Variants in UTP20 observed in about 807,000 individuals in gnomAD.
UTP20 encodes UTP20 small subunit processome component.
A neutral mutation model predicts 329.5 loss-of-function variants in UTP20; 164 were observed. The observed-to-expected ratio is 0.50, with a 90% CI of 0.44 to 0.57. The LOEUF is 0.57. Among genes scored for constraint, UTP20 ranks in the 20% least tolerant of loss-of-function variants. The pLI, the probability that UTP20 is intolerant of heterozygous loss-of-function variation, is 0.00. For missense variants in UTP20, 3,055 were observed against 3,284.2 expected, an observed-to-expected ratio of 0.93 and a Z score of 1.71; for synonymous variants, 1,151 against 1,159.3, an observed-to-expected ratio of 0.99 and a Z score of 0.14.
chr12:101,323,574 T>G (rs551607998), intron 25 of UTP20, among the ~76,000 whole-genome samples: 1 of 152,334 alleles, frequency 6.6e-6, no homozygotes, highest in Non-Finnish European at 1.5e-5. Context: ...TATTTTAGGT[T>G]TACTAGTGAA....
At chr12:101,336,582 G>A (rs920941460) in intron 29 of UTP20, among the ~76,000 whole-genome samples, 4 of 152,160 alleles carry the variant, frequency 2.6e-5, no homozygotes, top group African/African-American at 9.7e-5. Context: ...AGCTGCTCTG[G>A]TTCTAGTCAC....
chr12:101,298,587 T>C (rs1480142070), intron 12 of UTP20, among the ~76,000 whole-genome samples: 1 of 152,130 alleles, frequency 6.6e-6, no homozygotes, highest in Non-Finnish European at 1.5e-5. Context: ...TTAAGGAGTA[T>C]GGACTTCATT....
intron 28 of UTP20, 73 bp from the exon 29 acceptor site, chr12:101,334,352 T>G: frequency 7.8e-7 from 1 of 1,274,832 alleles, no homozygotes; most frequent in Non-Finnish European, 1.1e-6. Flanking sequence ...ATTTCTGTAC[T>G]TGTTAGTTAT....
At position 101,280,116 on chromosome 12, in the gene UTP20, T is replaced by A. The variant is rs577203029; in HGVS notation, c.-167T>A. On this transcript the variant is annotated 5_prime_UTR_variant, in exon 1 of 62. Transcript: ENST00000261637. ...CGTCCACGTGACCCACTCAGGCTCC[T>A]CCTTGTCTCCAACATGGCGGCGCCC... The A allele has an allele frequency of 1.2e-6, 1 of 836,052 alleles. No homozygotes were observed. The highest frequency in any genetic ancestry group is 2.8e-5 in the East Asian group (1 of 35,878). 51.8% of individuals were successfully genotyped at this position (836,052 alleles called of 1,614,324 possible).
Position 101,283,894 on chromosome 12 carries a change from T to A in UTP20, c.127-1676T>A, listed in dbSNP as rs936663117. ...TCTCTTTCTTTTCTGCCTTTTTTTTTAATTTTTAGTTTTTAATATTTGTGG... is the reference window on the plus strand; with the variant it reads ...TCTCTTTCTTTTCTGCCTTTTTTTTAAATTTTTAGTTTTTAATATTTGTGG... On this transcript the variant is annotated intron_variant, in intron 2 of 61. Coordinates refer to ENST00000261637, the MANE Select transcript of UTP20 (RefSeq NM_014503.3). Among the ~76,000 whole-genome samples, 8 of 152,234 alleles carry A rather than the reference T, an allele frequency of 5.3e-5. No homozygotes were observed. The East Asian group carries it at 1.5e-3, about 29-fold the overall frequency.
At chr12:101,343,436 T>G (rs1019371333) in intron 35 of UTP20, among the ~76,000 whole-genome samples, 1 of 152,140 alleles carries the variant, frequency 6.6e-6, no homozygotes. Context: ...AGGGTTTCTT[T>G]TGGGAGTGAT....
At chr12:101,285,373 G>T (rs1314048614) in intron 2 of UTP20, among the ~76,000 whole-genome samples, 197 bp from the exon 3 acceptor site, 2 of 152,054 alleles carry the variant, frequency 1.3e-5, no homozygotes, top group Non-Finnish European at 2.9e-5. Flanking sequence ...CAACAAAACA[G>T]CATTTTATAA....
At position 101,374,790 on chromosome 12, in the gene UTP20, G is replaced by C. The variant is rs770925530; in HGVS notation, c.7132-18G>C. The C allele has an allele frequency of 1.1e-5, 10 of 913,818 alleles. No homozygotes were observed. In the Admixed American group the frequency reaches 1.5e-4, roughly 14 times the overall value. 56.6% of individuals were successfully genotyped at this position (913,818 alleles called of 1,614,324 possible). ...TCCCAAGTTCTCTTGACATTGTCTT[G>C]TGGTTTATTTTTGGTAGCGCTTAAA... On this transcript the variant is annotated intron_variant, in intron 54 of 61. Coordinates refer to ENST00000261637, the MANE Select transcript of UTP20 (RefSeq NM_014503.3).
At chr12:101,321,424 C>G in intron 24 of UTP20, 80 bp from the exon 25 acceptor site, 1 of 1,570,228 alleles carries the variant, frequency 6.4e-7, no homozygotes, top group East Asian at 2.3e-5. Flanking sequence ...AGTTATTACT[C>G]TGTGTACATA....
At position 101,342,578 on chromosome 12, in the gene UTP20, AC is replaced by A; in HGVS notation, c.4235del (p.Thr1412ArgfsTer13). On this transcript the variant is annotated frameshift_variant, in exon 33 of 62. Coordinates refer to ENST00000261637, the MANE Select transcript of UTP20 (RefSeq NM_014503.3). LOFTEE classifies it high-confidence loss of function. ...KNKLSRKLLC[T>X]VFETLSDFES... ...CAAATTGTCAAGAAAATTGCTTTGT[AC>A]GGTTTTTGAGGTCTGTACTATTCAT... 6.2e-7 allele frequency: 1 copy of A among 1,611,804 alleles called. No homozygotes were observed. The highest frequency in any genetic ancestry group is 2.2e-5 in the East Asian group (1 of 44,844).
chr12:101,321,037 G>C, intron 24 of UTP20, 100 bp downstream of exon 24: 1 of 1,096,612 alleles, frequency 9.1e-7, no homozygotes, highest in East Asian at 2.6e-5. Flanking sequence ...GGCCTAGAAA[G>C]TTTCCCTTTT....
At chr12:101,381,334 A>AT in intron 58 of UTP20, 123 bp downstream of exon 58, 1 of 784,470 alleles carries the variant, frequency 1.3e-6, no homozygotes, top group South Asian at 1.6e-5. Context: ...GGAGTTCGAG[A>AT]TGAGCCTGGC....
chr12:101,386,232 CA>C lies in UTP20; in HGVS notation c.*111del. The C allele has an allele frequency of 3.1e-6, 3 of 952,630 alleles. No individual in the cohort carries two copies. The highest frequency in any genetic ancestry group is 4.7e-6 in the Non-Finnish European group (3 of 641,320). 59.0% of individuals were successfully genotyped at this position (952,630 alleles called of 1,614,324 possible). A position where few individuals can be genotyped will look rare whatever the true frequency, so the allele number is the denominator to read the frequency against. On this transcript the variant is annotated 3_prime_UTR_variant, in exon 62 of 62. Transcript: ENST00000261637. ...GAGGCGTTTTTTTTTTTTTTTGAGA[CA>C]AGGTCTCACTCTGTCACCCAAGGTG...
chr12:101,367,062 T>A (rs1322717883), intron 47 of UTP20, among the ~76,000 whole-genome samples: 1 of 152,034 alleles, frequency 6.6e-6, no homozygotes, highest in Non-Finnish European at 1.5e-5. Flanking sequence ...GGAGGATCAC[T>A]TGAGGAGAGG....
chr12:101,368,913 A>G (rs1412095461), intron 48 of UTP20, among the ~76,000 whole-genome samples: 1 of 151,134 alleles, frequency 6.6e-6, no homozygotes, highest in Admixed American at 6.6e-5. Context: ...AATCCAGCCC[A>G]CTGAAGAGTT....
chr12:101,343,558 T>TAG (rs1869220404), intron 35 of UTP20, among the ~76,000 whole-genome samples: 1 of 152,188 alleles, frequency 6.6e-6, no homozygotes, highest in South Asian at 2.1e-4. Context: ...TCACCCAGGC[T>TAG]AGAGTGCAGT....
chr12:101,344,843 G>C (rs1869265613), intron 36 of UTP20, 93 bp downstream of exon 36: 3 of 1,076,584 alleles, frequency 2.8e-6, no homozygotes, highest in Admixed American at 2.2e-5. Flanking sequence ...AAGTAGTCAG[G>C]CTTAGTGCAT....
At chr12:101,291,409 G>A (rs554373097) in intron 8 of UTP20, 16 of 171,232 alleles carry the variant, frequency 9.3e-5, no homozygotes, top group South Asian at 6.8e-4. Context: ...ACAAAATGGC[G>A]CATGCCTGCA....
At chr12:101,344,916 GGA>G in intron 36 of UTP20, among the ~76,000 whole-genome samples, 166 bp downstream of exon 36, 1 of 148,368 alleles carries the variant, frequency 6.7e-6, no homozygotes, top group Admixed American at 6.7e-5. Context: ...GGTCTAGAAA[GGA>G]GAGCACTTTT....
Sources: allele counts gnomAD v4.1 joint callset (sites outside exome capture counted in the v4.1 genomes callset), GRCh38; gene constraint gnomAD v4.1.1; transcripts MANE v1.5; gene names NCBI Gene and HGNC (gene_info 2026-07-23, HGNC 2026-07-21).